The following TMEM132C variants were observed in gnomAD, a reference collection of about 807,000 sequenced individuals.
TMEM132C encodes the protein protein phosphatase 1, regulatory subunit 152.
In TMEM132C, 29 loss-of-function variants were observed where a neutral mutation model predicts 61.4. The observed-to-expected ratio is 0.47, with a 90% confidence interval of 0.35 to 0.64. The LOEUF (loss-of-function observed/expected upper bound fraction) is 0.64. TMEM132C is among the 30% of genes least tolerant of loss of function. The pLI, the probability that TMEM132C is intolerant of heterozygous loss-of-function variation, is 0.00. For missense variants in TMEM132C, 1,408 were observed against 1,476.9 expected, an observed-to-expected ratio of 0.95 and a Z score of 0.76; for synonymous variants, 656 against 633.1, an observed-to-expected ratio of 1.04 and a Z score of -0.54.
intron 2 of TMEM132C, among the ~76,000 whole-genome samples, chr12:128,514,437 G>A (rs1033651748): frequency 6.6e-6 from 1 of 152,028 alleles, no homozygotes; most frequent in Admixed American, 6.5e-5. Flanking sequence ...CCCAAGGCCA[G>A]ATACTGGACT....
intron 2 of TMEM132C, among the ~76,000 whole-genome samples, chr12:128,476,736 C>A (rs559103049): frequency 6.6e-6 from 1 of 152,212 alleles, no homozygotes; most frequent in Admixed American, 6.5e-5. Context: ...TTGGGCCTCA[C>A]CCCCTGGCCA....
intron 4 of TMEM132C, among the ~76,000 whole-genome samples, chr12:128,617,812 G>A (rs904976984): frequency 2.6e-5 from 4 of 152,188 alleles, no homozygotes. Flanking sequence ...AGACAAAATA[G>A]CAGATGTGCA....
intron 4 of TMEM132C, among the ~76,000 whole-genome samples, chr12:128,618,749 T>A (rs1167385656): frequency 6.6e-6 from 1 of 152,178 alleles, no homozygotes; most frequent in East Asian, 1.9e-4. Context: ...TCTGCCATGA[T>A]TGTGAGACCT....
intron 2 of TMEM132C, among the ~76,000 whole-genome samples, chr12:128,518,537 T>A (rs1872794504): frequency 6.6e-6 from 1 of 152,232 alleles, no homozygotes; most frequent in Non-Finnish European, 1.5e-5. Context: ...TGATGAGACC[T>A]TTCCTCCTCT....
At chr12:128,427,554 G>A (rs1869236800) in intron 2 of TMEM132C, among the ~76,000 whole-genome samples, 1 of 151,942 alleles carries the variant, frequency 6.6e-6, no homozygotes, top group Admixed American at 6.6e-5. Context: ...CTCAGCCTAG[G>A]ACACTTCCCC....
At chr12:128,356,264 G>T (rs1013510026) in intron 1 of TMEM132C, among the ~76,000 whole-genome samples, 16 of 152,182 alleles carry the variant, frequency 1.1e-4, no homozygotes, top group Non-Finnish European at 4.4e-5. Flanking sequence ...AGAAGCCAGG[G>T]ATCGGAGCCC....
At chr12:128,337,751 G>A (rs1039259176) in intron 1 of TMEM132C, among the ~76,000 whole-genome samples, 3 of 152,150 alleles carry the variant, frequency 2.0e-5, no homozygotes, top group Non-Finnish European at 2.9e-5. Flanking sequence ...CTTTGGGAGA[G>A]TTCATAGCAC....
intron 1 of TMEM132C, among the ~76,000 whole-genome samples, chr12:128,377,734 G>T (rs1252007991): frequency 6.6e-6 from 1 of 152,204 alleles, no homozygotes; most frequent in African/African-American, 2.4e-5. Context: ...CCTCTCCGCT[G>T]CCCAGCTCCT....
intron 4 of TMEM132C, among the ~76,000 whole-genome samples, chr12:128,655,686 C>T (rs1268408100): frequency 6.6e-6 from 1 of 152,068 alleles, no homozygotes; most frequent in Non-Finnish European, 1.5e-5. Context: ...CACAGGGGCA[C>T]CCACCACCAG....
chr12:128,456,803 C>G (rs538832095), intron 2 of TMEM132C, among the ~76,000 whole-genome samples: 39 of 152,196 alleles, frequency 2.6e-4, no homozygotes, highest in Non-Finnish European at 4.9e-4. Flanking sequence ...CTCCATGTTC[C>G]CTGCCAGATA....
chr12:128,497,850 AC>A (rs1317304907), intron 2 of TMEM132C, among the ~76,000 whole-genome samples: 6 of 152,104 alleles, frequency 3.9e-5, no homozygotes, highest in Non-Finnish European at 8.8e-5. Context: ...CCAATGTCTG[AC>A]AAGCCCCAGT....
Position 128,543,964 on chromosome 12 carries a change from G to A in TMEM132C, c.982G>A (p.Val328Met). 1 of 1,545,866 alleles carries A rather than the reference G, an allele frequency of 6.5e-7. No individual in the cohort carries two copies. Among genetic ancestry groups the A allele is most frequent in the Non-Finnish European group, 8.7e-7 (1 of 1,144,470 alleles). Residue 328 changes from valine to methionine, a missense_variant, in exon 3 of 9, where the codon GTG becomes ATG. By Grantham distance (21) the Val-to-Met change is conservative. Transcript: ENST00000435159. Reference sequence around the variant, plus strand: ...CCATCTTCATCCCCACAGAGCCAAGGTGAAGAAGGGGGTGAACATCCTGAG... The same window carrying A: ...CCATCTTCATCCCCACAGAGCCAAGATGAAGAAGGGGGTGAACATCCTGAG... ...SVDLFILRAKVKKGVNILSAQ... is the reference protein window; with the variant it reads ...SVDLFILRAKMKKGVNILSAQ...
At chr12:128,693,782 A>T in intron 5 of TMEM132C, 47 bp from the exon 6 acceptor site, 1 of 1,544,500 alleles carries the variant, frequency 6.5e-7, no homozygotes, top group South Asian at 1.2e-5. Flanking sequence ...ATTGTCTCCA[A>T]GGCTCCATGA....
intron 3 of TMEM132C, among the ~76,000 whole-genome samples, chr12:128,612,064 T>C (rs542712666): frequency 1.3e-5 from 2 of 152,298 alleles, no homozygotes; most frequent in South Asian, 4.1e-4. Flanking sequence ...TGTACAAAAA[T>C]AAAGAGACAA....
chr12:128,649,435 C>T (rs1440869538), intron 4 of TMEM132C, among the ~76,000 whole-genome samples: 1 of 152,182 alleles, frequency 6.6e-6, no homozygotes, highest in Non-Finnish European at 1.5e-5. Flanking sequence ...GGGACATAGA[C>T]GTTTCCCTGT....
At chr12:128,606,389 A>G (rs1005538168) in intron 3 of TMEM132C, among the ~76,000 whole-genome samples, 1 of 152,172 alleles carries the variant, frequency 6.6e-6, no homozygotes, top group Non-Finnish European at 1.5e-5. Context: ...GGAAGCTCCC[A>G]TAGTCTCTCT....
At chr12:128,601,604 A>G (rs544296690) in intron 3 of TMEM132C, among the ~76,000 whole-genome samples, 2 of 148,946 alleles carry the variant, frequency 1.3e-5, no homozygotes, top group Admixed American at 6.7e-5. Context: ...GCAGGGGTGA[A>G]TGCCAAGATG....
intron 2 of TMEM132C, among the ~76,000 whole-genome samples, chr12:128,462,352 T>C (rs75785601): frequency 0.056 from 8,463 of 152,160 alleles, 755 homozygotes; most frequent in African/African-American, 0.19. Flanking sequence ...GGGGATCCGC[T>C]GGCCTCGGCC....
chr12:128,517,433 TCAA>T (rs754890200), intron 2 of TMEM132C, among the ~76,000 whole-genome samples: 5 of 152,016 alleles, frequency 3.3e-5, no homozygotes, highest in South Asian at 2.1e-4. Context: ...AGACACCATC[TCAA>T]CAACAACAAC....
Sources: gnomAD v4.1 joint callset for allele counts (sites outside exome capture counted in the v4.1 genomes callset) on GRCh38, gnomAD v4.1.1 for gene constraint, MANE v1.5 for transcripts, NCBI Gene and HGNC (gene_info 2026-07-23, HGNC 2026-07-21) for gene names.